PCDHGC4: variants seen among roughly 807,000 people sequenced by gnomAD.
The protein encoded by PCDHGC4 is protocadherin gamma-C4.
A neutral mutation model predicts 59.7 loss-of-function variants in PCDHGC4; 15 were observed. The observed-to-expected ratio is 0.25, with a 90% CI of 0.17 to 0.39. The LOEUF (loss-of-function observed/expected upper bound fraction) is 0.39, where lower values mean the gene tolerates loss of function less well. Ranked by LOEUF, PCDHGC4 falls within the 10% of genes least tolerant of loss-of-function variation. The pLI is 1.00. For missense variants in PCDHGC4, 1,016 were observed against 1,189.5 expected (o/e 0.85, Z 2.15); for synonymous variants, 434 against 481.4 (o/e 0.90, Z 1.29).
chr5:141,492,552 T>A (rs1444534113), intron 1 of PCDHGC4, among the ~76,000 whole-genome samples: 1 of 152,084 alleles, frequency 6.6e-6, no homozygotes, highest in African/African-American at 2.4e-5. Context: ...CCGGGTCGCC[T>A]GGGGGGCGGC....
At position 141,490,516 on chromosome 5, in the gene PCDHGC4, G is replaced by T. The variant is rs768123119; in HGVS notation, c.2442+2901G>T. The T allele has an allele frequency of 6.2e-7, 1 of 1,613,828 alleles. No individual in the cohort carries two copies. The highest frequency in any genetic ancestry group is 2.2e-5 in the East Asian group (1 of 44,864). On this transcript the variant is annotated intron_variant, in intron 1 of 3. Transcript: ENST00000306593. This position sits in a 1 kb window ranked among gnomAD's most constrained non-coding sequence, Gnocchi z 5.4. ...ATCCCACTATATCATCGAGCTGCTG[G>T]CCAGCGATGCTGGTTCACCTTCCCT... is the stretch of plus-strand genomic sequence containing the variant.
chr5:141,492,873 C>G (rs2099744714), intron 1 of PCDHGC4, among the ~76,000 whole-genome samples: 1 of 152,182 alleles, frequency 6.6e-6, no homozygotes, highest in Non-Finnish European at 1.5e-5. Context: ...CTCTCAACCC[C>G]CAGAGATACA....
At position 141,485,833 on chromosome 5, in the gene PCDHGC4, G is replaced by A. The variant is rs780944737; in HGVS notation, c.660G>A (p.Pro220=). 64 of 1,613,904 alleles carry A rather than the reference G, an allele frequency of 4.0e-5. No homozygotes were observed. Among genetic ancestry groups the A allele is most frequent in the Non-Finnish European group, 2.5e-6 (3 of 1,180,004 alleles). Residue 220 remains proline, a synonymous_variant, in exon 1 of 4, where the codon CCG becomes CCA. Coordinates refer to ENST00000306593, the MANE Select transcript of PCDHGC4 (RefSeq NM_018928.3). This position sits in a 1 kb window ranked among gnomAD's most constrained non-coding sequence, Gnocchi z 5.7. Reference sequence around the variant, plus strand: ...TGACTGCTGTCGATGGAGGGAACCCGCCGAGATCTGGCACCGCAGAGCTCC... The same window carrying A: ...TGACTGCTGTCGATGGAGGGAACCCACCGAGATCTGGCACCGCAGAGCTCC... ...LVLTAVDGGN[P]PRSGTAELRV...
chr5:141,498,940 A>G (rs527366029), intron 2 of PCDHGC4, among the ~76,000 whole-genome samples: 57 of 140,142 alleles, frequency 4.1e-4, no homozygotes, highest in Non-Finnish European at 7.3e-4. Flanking sequence ...CAGGAAAGAA[A>G]GAAAGAAAAA....
In PCDHGC4 at chr5:141,509,418, A is replaced by G. The variant is rs767758113; in HGVS notation, c.2591-1529A>G. Among the ~76,000 whole-genome samples the G allele has an allele frequency of 2.6e-5, 4 of 152,188 alleles. No individual in the cohort carries two copies. The South Asian group carries it at 6.2e-4, about 24-fold the overall frequency. ...TCAGGGCCTCCAGCAGCGAGCCCCA[A>G]TGAGTCAAACTCTTGTTTCCTCCTC... On this transcript the variant is annotated intron_variant, in intron 3 of 3. Transcript: ENST00000306593.
At chr5:141,500,256 T>C (rs1045685908) in intron 2 of PCDHGC4, among the ~76,000 whole-genome samples, 1 of 151,676 alleles carries the variant, frequency 6.6e-6, no homozygotes, top group Non-Finnish European at 1.5e-5. Flanking sequence ...TCACCCAGGC[T>C]GGACTGCAGT....
intron 1 of PCDHGC4, 72 bp from the exon 2 acceptor site, chr5:141,494,735 A>C: frequency 6.2e-7 from 1 of 1,610,712 alleles, no homozygotes; most frequent in Middle Eastern, 1.7e-4. Context: ...CTCCCGGCCC[A>C]TCCCTAGGGG....
intron 3 of PCDHGC4, among the ~76,000 whole-genome samples, chr5:141,509,437 C>T (rs923580110): frequency 2.6e-5 from 4 of 152,104 alleles, no homozygotes; most frequent in African/African-American, 9.7e-5. Context: ...ACTCTTGTTT[C>T]CTCCTCTCCC....
chr5:141,492,091 C>G (rs930375969), intron 1 of PCDHGC4, among the ~76,000 whole-genome samples: 5 of 152,242 alleles, frequency 3.3e-5, no homozygotes, highest in Non-Finnish European at 5.9e-5. Flanking sequence ...CACGCTTCGC[C>G]GGTCTGTAGA....
Position 141,485,369 on chromosome 5 carries a change from G to T in PCDHGC4, c.196G>T (p.Val66Phe). The change falls in exon 1 of 4, where the codon GTC (valine) becomes TTC (phenylalanine). Residue 66 changes from valine (V) to phenylalanine (F), a missense_variant. Val to Phe is a conservative substitution (Grantham distance 50). Transcript: ENST00000306593. This position sits in a 1 kb window ranked among gnomAD's most constrained non-coding sequence, Gnocchi z 5.7. ...TDSLSARRLQ[V>F]AGEVNQRHFR... ...CAGTCTGTCAGCTCGCAGGCTGCAG[G>T]TCGCTGGAGAGGTGAACCAAAGACA... 1 of 1,614,154 alleles carries T rather than the reference G, an allele frequency of 6.2e-7. No individual in the cohort carries two copies. The highest frequency in any genetic ancestry group is 1.1e-5 in the South Asian group (1 of 91,088).
At position 141,486,112 on chromosome 5, in the gene PCDHGC4, G is replaced by A; in HGVS notation, c.939G>A (p.Glu313=). ...TLLGPLDFES[E]NYYEFDVRAR... ...TGGGGCCCCTAGACTTTGAGAGTGA[G>A]AATTACTATGAATTTGATGTGCGGG... Residue 313 remains glutamate (E), a synonymous_variant, in exon 1 of 4, where the codon GAG becomes GAA. Transcript: ENST00000306593. This position sits in a 1 kb window ranked among gnomAD's most constrained non-coding sequence, Gnocchi z 5.0. 1 of 1,614,166 alleles carries A rather than the reference G, an allele frequency of 6.2e-7. No homozygotes were observed. Among genetic ancestry groups the A allele is most frequent in the Non-Finnish European group, 8.5e-7 (1 of 1,180,024 alleles).
At position 141,494,854 on chromosome 5, in the gene PCDHGC4, C is replaced by T. The variant is rs1353498253; in HGVS notation, c.2490C>T (p.Pro830=). ...TDWRFSQAQR[P]GTSGSQNGDD... The stretch of plus-strand genomic sequence containing the variant: ...GGCGTTTCTCTCAGGCCCAGAGACC[C>T]GGCACCAGCGGGTAGGTGACTGATT... The change falls in exon 2 of 4, where the codon CCC becomes CCT. Residue 830 remains proline (P), a synonymous_variant. Coordinates refer to ENST00000306593, the MANE Select transcript of PCDHGC4 (RefSeq NM_018928.3). 1.2e-6 allele frequency: 2 copies of T among 1,614,120 alleles called. No homozygotes were observed. Among genetic ancestry groups the T allele is most frequent in the East Asian group, 2.2e-5 (1 of 44,870 alleles).
Position 141,499,370 on chromosome 5 carries a change from A to T in PCDHGC4, c.2501+4505A>T, listed in dbSNP as rs546430948. ...CATTCAACAAACAAATAGCAACTTA[A>T]TTTTTTTCCACTTATAAAATAGTAC... On this transcript the variant is annotated intron_variant, in intron 2 of 3. Coordinates refer to ENST00000306593, the MANE Select transcript of PCDHGC4 (RefSeq NM_018928.3). 2.0e-3 allele frequency among the ~76,000 whole-genome samples: 300 copies of T among 152,286 alleles called. 1 individual carries two copies. The highest frequency in any genetic ancestry group is 2.7e-3 in the Non-Finnish European group (184 of 68,028).
chr5:141,495,642 C>T (rs1294293252), intron 2 of PCDHGC4, among the ~76,000 whole-genome samples: 1 of 152,208 alleles, frequency 6.6e-6, no homozygotes. Flanking sequence ...TTTCATTTGT[C>T]TACTTGCATT....
At chr5:141,502,907 G>C (rs1335363561) in intron 2 of PCDHGC4, among the ~76,000 whole-genome samples, 2 of 138,924 alleles carry the variant, frequency 1.4e-5, no homozygotes, top group Non-Finnish European at 3.0e-5. Context: ...CTGTTGCCAG[G>C]CTGGAGTGCA....
Position 141,511,256 on chromosome 5 carries a change from TTCAGGGC to T in PCDHGC4, c.*85_*91del. 6.4e-7 allele frequency: 1 copy of T among 1,563,506 alleles called. No individual in the cohort carries two copies. Among genetic ancestry groups the T allele is most frequent in the Non-Finnish European group, 8.7e-7 (1 of 1,154,422 alleles). The stretch of plus-strand genomic sequence containing the variant: ...CTTACCTGCACCCAGGCCTCAGAGT[TTCAGGGC>T]TAACCCCCAGAATACTGGTAGGGGC... On this transcript the variant is annotated 3_prime_UTR_variant, in exon 4 of 4. Coordinates refer to ENST00000306593, the MANE Select transcript of PCDHGC4 (RefSeq NM_018928.3).
Position 141,487,399 on chromosome 5 carries a change from G to T in PCDHGC4, c.2226G>T (p.Gly742=), listed in dbSNP as rs749826036. 6.2e-7 allele frequency: 1 copy of T among 1,614,140 alleles called. No individual in the cohort carries two copies. The highest frequency in any genetic ancestry group is 8.5e-7 in the Non-Finnish European group (1 of 1,180,014). ...ACLTRSRRRE[G]LPPSNGILRI... ...TCACCAGATCTCGAAGGAGGGAGGG[G>T]CTTCCCCCTTCCAATGGGATCCTCC... Residue 742 remains glycine (G), a synonymous_variant, in exon 1 of 4, where the codon GGG becomes GGT. Transcript: ENST00000306593. The surrounding 1 kb of genome is among the most constrained non-coding windows in gnomAD (Gnocchi z 5.0).
chr5:141,498,284 G>A (rs1339639509), intron 2 of PCDHGC4, among the ~76,000 whole-genome samples: 1 of 152,004 alleles, frequency 6.6e-6, no homozygotes, highest in Non-Finnish European at 1.5e-5. Flanking sequence ...CTTGGTTCAA[G>A]ATCAAGCCAG....
At chr5:141,499,289 C>T in intron 2 of PCDHGC4, among the ~76,000 whole-genome samples, 1 of 152,212 alleles carries the variant, frequency 6.6e-6, no homozygotes, top group African/African-American at 2.4e-5. Context: ...GATGGCTCCA[C>T]ACTACCATCC....
Sources: allele counts gnomAD v4.1 joint callset (sites outside exome capture counted in the v4.1 genomes callset), GRCh38; gene constraint gnomAD v4.1.1; non-coding constraint Gnocchi (gnomAD v3.1); transcripts MANE v1.5; gene names NCBI Gene and HGNC (gene_info 2026-07-23, HGNC 2026-07-21).